PDZRN4: variants seen among roughly 807,000 people sequenced by gnomAD.
PDZRN4 encodes the protein PDZ domain-containing RING finger protein 4.
PDZRN4 carries 70 observed loss-of-function variants against 99.0 expected under a neutral mutation model. The observed-to-expected ratio is 0.71, with a 90% CI of 0.58 to 0.86. PDZRN4 has a LOEUF of 0.86. Ranked by LOEUF, PDZRN4 falls within the 40% of genes least tolerant of loss-of-function variation. The pLI is 0.00. For missense variants in PDZRN4, 1,474 were observed against 1,331.2 expected (o/e 1.11, Z -1.67); for synonymous variants, 551 against 501.6 (o/e 1.10, Z -1.32).
chr12:41,294,554 A>G (rs1438567514), intron 3 of PDZRN4, among the ~76,000 whole-genome samples: 1 of 152,194 alleles, frequency 6.6e-6, no homozygotes, highest in Non-Finnish European at 1.5e-5. Context: ...AACATTTAAA[A>G]TTATTTTACT....
chr12:41,477,621 C>G (rs986275224), intron 3 of PDZRN4, among the ~76,000 whole-genome samples: 1 of 152,126 alleles, frequency 6.6e-6, no homozygotes, highest in African/African-American at 2.4e-5. Context: ...GTTCTTTTTA[C>G]TACAGAACCA....
intron 7 of PDZRN4, among the ~76,000 whole-genome samples, 177 bp from the exon 8 acceptor site, chr12:41,563,371 G>T (rs981546263): frequency 5.3e-5 from 8 of 152,142 alleles, no homozygotes; most frequent in Non-Finnish European, 1.0e-4. Flanking sequence ...GATCGATATG[G>T]CTCTTACAGT....
At chr12:41,567,468 G>A (rs73115831) in intron 8 of PDZRN4, among the ~76,000 whole-genome samples, 7,847 of 152,226 alleles carry the variant, frequency 0.052, 295 homozygotes, top group South Asian at 0.13. Context: ...GAGGTAATGA[G>A]CATGACAGCT....
At chr12:41,433,612 T>C (rs1952603415) in intron 3 of PDZRN4, among the ~76,000 whole-genome samples, 1 of 152,160 alleles carries the variant, frequency 6.6e-6, no homozygotes, top group Non-Finnish European at 1.5e-5. Flanking sequence ...GAGAGGGTAA[T>C]CAAGCGGAGT....
intron 3 of PDZRN4, among the ~76,000 whole-genome samples, chr12:41,319,666 G>C (rs1485818798): frequency 6.6e-6 from 1 of 151,952 alleles, no homozygotes; most frequent in East Asian, 1.9e-4. Context: ...AATCAGCCAG[G>C]GTTTAACTTT....
intron 5 of PDZRN4, among the ~76,000 whole-genome samples, chr12:41,541,472 G>A (rs1263855287): frequency 4.8e-5 from 7 of 145,232 alleles, no homozygotes; most frequent in Non-Finnish European, 7.5e-5. Flanking sequence ...TTTTTGAGAC[G>A]GAGTCTTGCT....
At chr12:41,440,304 A>G (rs1379773) in intron 3 of PDZRN4, among the ~76,000 whole-genome samples, 79,141 of 151,956 alleles carry the variant, frequency 0.52, 21,330 homozygotes, top group African/African-American at 0.68. Context: ...ACCAGGAGAT[A>G]TGAAAATTTA....
intron 3 of PDZRN4, among the ~76,000 whole-genome samples, chr12:41,348,654 C>T (rs953321789): frequency 2.0e-4 from 31 of 152,062 alleles, no homozygotes; most frequent in African/African-American, 7.5e-4. Flanking sequence ...ATACAGAAAG[C>T]ACTCTGCTGC....
intron 3 of PDZRN4, among the ~76,000 whole-genome samples, chr12:41,370,697 A>G (rs771756752): frequency 5.3e-5 from 8 of 151,918 alleles, no homozygotes; most frequent in Non-Finnish European, 8.8e-5. Context: ...TTTATACTAG[A>G]CATTTTTAAA....
chr12:41,527,377 C>T (rs1054699167), intron 5 of PDZRN4, among the ~76,000 whole-genome samples: 1 of 152,114 alleles, frequency 6.6e-6, no homozygotes, highest in Non-Finnish European at 1.5e-5. Context: ...GGTAATGGGA[C>T]AGCAATTCCA....
At chr12:41,419,314 G>GTGCA (rs1952471581) in intron 3 of PDZRN4, among the ~76,000 whole-genome samples, 1 of 152,128 alleles carries the variant, frequency 6.6e-6, no homozygotes, top group Non-Finnish European at 1.5e-5. Flanking sequence ...GTAACAGCTG[G>GTGCA]TGCAGGCTGC....
chr12:41,446,972 T>C (rs1952734356), intron 3 of PDZRN4, among the ~76,000 whole-genome samples: 1 of 151,782 alleles, frequency 6.6e-6, no homozygotes, highest in East Asian at 1.9e-4. Context: ...ATAGGACATA[T>C]TTTGGGGTAA....
intron 9 of PDZRN4, among the ~76,000 whole-genome samples, chr12:41,571,118 G>T (rs74601971): frequency 6.6e-6 from 1 of 151,994 alleles, no homozygotes; most frequent in African/African-American, 2.4e-5. Context: ...TAGAGGGATG[G>T]AGCTATATCT....
rs1939405898 is a variant in PDZRN4, at chr12:41,567,919, C to T, written c.1584+20C>T. ...GAGCAGGTAGGGCCAACAATTTGAA[C>T]TACATCATTTGATATGTTGCTTGTT... On this transcript the variant is annotated intron_variant, in intron 9 of 9. Coordinates refer to ENST00000402685, the MANE Select transcript of PDZRN4 (RefSeq NM_001164595.2). 6 of 1,349,556 alleles carry T rather than the reference C, an allele frequency of 4.4e-6. No homozygotes were observed. Among genetic ancestry groups the T allele is most frequent in the Non-Finnish European group, 6.2e-6 (6 of 960,642 alleles). The allele number at this position is 1,349,556 out of a possible 1,614,324, so 83.6% of individuals were successfully genotyped here.
Position 41,554,921 on chromosome 12 carries a change from G to C in PDZRN4, c.1303-777G>C, listed in dbSNP as rs536197578. ...GACATAATTCTCTTTAATAAGTATGGTCTTGGGCCGGACGCGGTGGCTCAC... is the reference window on the plus strand; with the variant it reads ...GACATAATTCTCTTTAATAAGTATGCTCTTGGGCCGGACGCGGTGGCTCAC... On this transcript the variant is annotated intron_variant, in intron 6 of 9. Coordinates refer to ENST00000402685, the MANE Select transcript of PDZRN4 (RefSeq NM_001164595.2). 9.2e-5 allele frequency among the ~76,000 whole-genome samples: 14 copies of C among 151,664 alleles called. No individual in the cohort carries two copies. In the East Asian group the frequency reaches 2.7e-3, roughly 30 times the overall value.
chr12:41,260,739 G>A (rs1000320596), intron 3 of PDZRN4, among the ~76,000 whole-genome samples: 2 of 152,080 alleles, frequency 1.3e-5, no homozygotes, highest in African/African-American at 4.8e-5. Flanking sequence ...TTTAAAGTCA[G>A]TAATAAGAAT....
At chr12:41,239,075 A>G (rs1222419009) in intron 3 of PDZRN4, among the ~76,000 whole-genome samples, 1 of 152,204 alleles carries the variant, frequency 6.6e-6, no homozygotes, top group Non-Finnish European at 1.5e-5. Flanking sequence ...AATACCCATC[A>G]ATGATAGACT....
intron 3 of PDZRN4, among the ~76,000 whole-genome samples, chr12:41,223,075 T>C (rs1364445458): frequency 6.6e-6 from 1 of 152,118 alleles, no homozygotes; most frequent in Admixed American, 6.6e-5. Context: ...AAGCTCACAA[T>C]TACTTTTGCA....
At chr12:41,379,324 AT>A (rs1952105544) in intron 3 of PDZRN4, among the ~76,000 whole-genome samples, 1 of 144,090 alleles carries the variant, frequency 6.9e-6, no homozygotes, top group Non-Finnish European at 1.5e-5. Flanking sequence ...CCATCCCTTC[AT>A]TTTGTTGACC....
Sources: gnomAD v4.1 joint callset for allele counts (sites outside exome capture counted in the v4.1 genomes callset) on GRCh38, gnomAD v4.1.1 for gene constraint, MANE v1.5 for transcripts, NCBI Gene and HGNC (gene_info 2026-07-23, HGNC 2026-07-21) for gene names.